The following PTPRD variants were observed in gnomAD, a reference collection of about 807,000 sequenced individuals.
The protein encoded by PTPRD is receptor-type tyrosine-protein phosphatase delta.
A neutral mutation model predicts 214.5 loss-of-function variants in PTPRD; 34 were observed. The observed-to-expected ratio is 0.16, with a 90% confidence interval of 0.12 to 0.21. The LOEUF is 0.21. Ranked by LOEUF, PTPRD falls within the 10% of genes least tolerant of loss-of-function variation. The pLI is 1.00. For synonymous variants in PTPRD, 1,128 were observed against 845.7 expected (o/e 1.33, Z -5.79); for missense variants, 2,545 against 2,398.7 (o/e 1.06, Z -1.27).
chr9:9,101,369 T>A (rs935857505), intron 10 of PTPRD, among the ~76,000 whole-genome samples: 1 of 152,162 alleles, frequency 6.6e-6, no homozygotes, highest in Non-Finnish European at 1.5e-5. Flanking sequence ...TGTTCTTGAA[T>A]GAACAGTACG....
chr9:10,523,201 TTTTAA>T (rs2052963046), intron 2 of PTPRD, among the ~76,000 whole-genome samples: 1 of 152,044 alleles, frequency 6.6e-6, no homozygotes, highest in Non-Finnish European at 1.5e-5. Context: ...TATCGTGATG[TTTTAA>T]TTTAAGGCAG....
chr9:10,164,996 AG>A lies in PTPRD; in HGVS notation c.-544-131207del, dbSNP rs1342831602. ...TCCAAAAGTCATTAAGGATAAGAAA[AG>A]GGGAAGAAAATTGCCTCATCTTTGA... On this transcript the variant is annotated intron_variant, in intron 3 of 45. Transcript: ENST00000381196. Among the ~76,000 whole-genome samples the A allele has an allele frequency of 4.0e-5, 6 of 151,690 alleles. No individual in the cohort carries two copies. In the South Asian group the frequency reaches 8.3e-4, roughly 21 times the overall value.
intron 9 of PTPRD, among the ~76,000 whole-genome samples, chr9:9,235,813 A>C (rs1313340361): frequency 6.6e-6 from 1 of 152,284 alleles, no homozygotes; most frequent in Admixed American, 6.5e-5. Context: ...TGAAAAAATC[A>C]TTTGTATAAA....
At chr9:9,905,902 T>C (rs918051123) in intron 5 of PTPRD, among the ~76,000 whole-genome samples, 2 of 151,916 alleles carry the variant, frequency 1.3e-5, no homozygotes, top group African/African-American at 4.8e-5. Context: ...GAGAAGCATG[T>C]GTGTGGAGAA....
At chr9:8,776,626 T>C (rs1319168640) in intron 11 of PTPRD, among the ~76,000 whole-genome samples, 1 of 151,844 alleles carries the variant, frequency 6.6e-6, no homozygotes, top group African/African-American at 2.4e-5. Context: ...AAAGCAATGA[T>C]GGGGGTGATC....
intron 9 of PTPRD, among the ~76,000 whole-genome samples, chr9:9,230,769 A>G (rs904577267): frequency 6.6e-6 from 1 of 152,128 alleles, no homozygotes. Flanking sequence ...GCTATAATCA[A>G]TTGGCTGAAA....
chr9:8,966,558 T>C (rs915293367), intron 11 of PTPRD, among the ~76,000 whole-genome samples: 2 of 152,000 alleles, frequency 1.3e-5, no homozygotes, highest in African/African-American at 4.8e-5. Flanking sequence ...GCCAGCCATA[T>C]CCAGAAGAAT....
intron 3 of PTPRD, among the ~76,000 whole-genome samples, chr9:10,045,855 A>G (rs145018234): frequency 1.6e-3 from 240 of 151,846 alleles, no homozygotes; most frequent in African/African-American, 5.4e-3. Context: ...AAAAGGAGCT[A>G]GCTGCATTTA....
intron 8 of PTPRD, among the ~76,000 whole-genome samples, chr9:9,455,459 A>C (rs1429612812): frequency 6.6e-6 from 1 of 151,654 alleles, no homozygotes; most frequent in African/African-American, 2.4e-5. Context: ...CAGAACATTA[A>C]CAATCATTCC....
chr9:8,547,998 C>T (rs879821172), intron 14 of PTPRD, among the ~76,000 whole-genome samples: 23 of 152,120 alleles, frequency 1.5e-4, no homozygotes, highest in Non-Finnish European at 2.1e-4. Flanking sequence ...AAGGTGAAAA[C>T]GTGCATGTGA....
At chr9:10,098,027 T>C (rs1261219864) in intron 3 of PTPRD, among the ~76,000 whole-genome samples, 1 of 151,792 alleles carries the variant, frequency 6.6e-6, no homozygotes. Context: ...CATGCTGCTA[T>C]AAAGACACAT....
At chr9:10,330,975 C>CA (rs1487050064) in intron 3 of PTPRD, among the ~76,000 whole-genome samples, 1 of 151,740 alleles carries the variant, frequency 6.6e-6, no homozygotes, top group East Asian at 2.0e-4. Flanking sequence ...TTATGGGTCC[C>CA]AGTTCATCCT....
intron 5 of PTPRD, among the ~76,000 whole-genome samples, chr9:9,863,357 C>T (rs936225662): frequency 1.9e-4 from 29 of 152,208 alleles, no homozygotes; most frequent in African/African-American, 6.5e-4. Flanking sequence ...TTTTCTAGCT[C>T]GACACCCGAC....
intron 11 of PTPRD, among the ~76,000 whole-genome samples, chr9:8,756,174 T>A (rs1244781935): frequency 2.0e-5 from 3 of 152,180 alleles, no homozygotes; most frequent in African/African-American, 7.2e-5. Context: ...TAGACCAACT[T>A]CAGCACTGAC....
intron 8 of PTPRD, among the ~76,000 whole-genome samples, chr9:9,439,359 C>T (rs1482231777): frequency 6.6e-6 from 1 of 152,012 alleles, no homozygotes; most frequent in Non-Finnish European, 1.5e-5. Flanking sequence ...TACCAGACAT[C>T]CCAAAGAAAC....
At chr9:10,404,504 A>G (rs913366696) in intron 2 of PTPRD, among the ~76,000 whole-genome samples, 2 of 151,772 alleles carry the variant, frequency 1.3e-5, no homozygotes, top group African/African-American at 4.8e-5. Flanking sequence ...AACAGTTTAG[A>G]TAATCATAGT....
rs1298319026 is a variant in PTPRD, at chr9:9,183,594, C to T, written c.-202-231G>A. Among the ~76,000 whole-genome samples, 3 of 151,914 alleles carry T rather than the reference C, an allele frequency of 2.0e-5. No individual in the cohort carries two copies. The East Asian group carries it at 5.8e-4, about 29-fold the overall frequency. On this transcript the variant is annotated intron_variant, in intron 9 of 45. Coordinates refer to ENST00000381196, the MANE Select transcript of PTPRD (RefSeq NM_002839.4). Reference sequence around the variant, plus strand: ...TCACTATTGTTCACAGGCTATAAAGCAGAATATTGACTATTCTTTAAAATG... The same window carrying T: ...TCACTATTGTTCACAGGCTATAAAGTAGAATATTGACTATTCTTTAAAATG...
chr9:10,469,958 A>G (rs930666061), intron 2 of PTPRD, among the ~76,000 whole-genome samples: 4 of 151,904 alleles, frequency 2.6e-5, no homozygotes, highest in Non-Finnish European at 4.4e-5. Context: ...AAAAAAAAAA[A>G]TCTCATGAAG....
chr9:10,037,761 A>G (rs1450627310), intron 3 of PTPRD, among the ~76,000 whole-genome samples: 1 of 152,278 alleles, frequency 6.6e-6, no homozygotes, highest in East Asian at 1.9e-4. Flanking sequence ...CGTTTTGTTA[A>G]CCTGCAACTT....
Sources: allele counts gnomAD v4.1 joint callset (sites outside exome capture counted in the v4.1 genomes callset), GRCh38; gene constraint gnomAD v4.1.1; transcripts MANE v1.5; gene names NCBI Gene and HGNC (gene_info 2026-07-23, HGNC 2026-07-21).